The following DOCK1 variants were observed in gnomAD, a reference collection of about 807,000 sequenced individuals.
DOCK1 encodes the protein dedicator of cytokinesis protein 1.
Under a neutral mutation model 262.7 loss-of-function variants are expected in DOCK1, and 138 were observed. The observed-to-expected ratio is 0.53, with a 90% CI of 0.46 to 0.61. The LOEUF (loss-of-function observed/expected upper bound fraction) is 0.61, where lower values mean the gene tolerates loss of function less well. Among genes scored for constraint, DOCK1 ranks in the 20% least tolerant of loss-of-function variants. DOCK1 has a pLI of 0.00. For synonymous variants in DOCK1, 866 were observed against 867.4 expected, an observed-to-expected ratio of 1.00 and a Z score of 0.03; for missense variants, 1,908 against 2,370.7, an observed-to-expected ratio of 0.80 and a Z score of 4.05.
intron 9 of DOCK1, 70 bp downstream of exon 9, chr10:126,999,505 T>C: frequency 1.5e-6 from 2 of 1,323,534 alleles, no homozygotes; most frequent in Non-Finnish European, 2.2e-6. Flanking sequence ...CATTTCTGTC[T>C]GCCTTCCTGC....
rs1012366381 is a variant in DOCK1, at chr10:127,100,316, G to C, written c.2446-5915G>C. On this transcript the variant is annotated intron_variant, in intron 23 of 51. Coordinates refer to ENST00000623213, the MANE Select transcript of DOCK1 (RefSeq NM_001290223.2). The surrounding 1 kb of genome is among the most constrained non-coding windows in gnomAD (Gnocchi z 5.5). ...GGGGAGTTAACAGCCTGAACCGAGG[G>C]CTCTGTCGCTGCCTAGAAGGGGGCT... Among the ~76,000 whole-genome samples, 1 of 152,140 alleles carries C rather than the reference G, an allele frequency of 6.6e-6. No homozygotes were observed. Among genetic ancestry groups the C allele is most frequent in the Non-Finnish European group, 1.5e-5 (1 of 68,028 alleles).
At chr10:127,308,048 G>T (rs891890953) in intron 29 of DOCK1, among the ~76,000 whole-genome samples, 1 of 152,224 alleles carries the variant, frequency 6.6e-6, no homozygotes, top group Non-Finnish European at 1.5e-5. Flanking sequence ...CTTTCTGCTG[G>T]ATGACGTTGC....
intron 29 of DOCK1, among the ~76,000 whole-genome samples, chr10:127,315,720 T>A (rs1432735172): frequency 6.6e-6 from 1 of 152,138 alleles, no homozygotes; most frequent in East Asian, 1.9e-4. Context: ...TCCACATAGC[T>A]GGGTTGGGGT....
At chr10:127,257,538 A>C (rs1291165364) in intron 29 of DOCK1, 109 bp downstream of exon 29, 2 of 965,154 alleles carry the variant, frequency 2.1e-6, no homozygotes, top group Non-Finnish European at 3.1e-6. Context: ...AATGCTCTGC[A>C]AACGCTGTTC....
At chr10:127,353,493 C>T (rs1363808228) in intron 31 of DOCK1, among the ~76,000 whole-genome samples, 3 of 152,196 alleles carry the variant, frequency 2.0e-5, no homozygotes, top group East Asian at 3.9e-4. Flanking sequence ...CAACCATGGA[C>T]GGGCCTCTCC....
intron 47 of DOCK1, 128 bp from the exon 48 acceptor site, chr10:127,433,155 A>G (rs1438054833): frequency 2.3e-6 from 3 of 1,294,202 alleles, no homozygotes; most frequent in Non-Finnish European, 1.1e-6. Context: ...AAGAACATGT[A>G]CTGTTTACAG....
At chr10:126,988,371 G>C (rs1317588246) in intron 5 of DOCK1, 2 of 152,192 alleles carry the variant, frequency 1.3e-5, no homozygotes, top group Non-Finnish European at 2.9e-5. Flanking sequence ...CATTTCTTGA[G>C]AACATAGAAA....
At chr10:127,267,621 G>A (rs534443788) in intron 29 of DOCK1, among the ~76,000 whole-genome samples, 15 of 152,316 alleles carry the variant, frequency 9.8e-5, no homozygotes, top group Non-Finnish European at 1.6e-4. Context: ...CAGAGATCAC[G>A]CGCACCTCGT....
At chr10:127,138,533 A>C (rs572597188) in intron 27 of DOCK1, among the ~76,000 whole-genome samples, 1 of 152,318 alleles carries the variant, frequency 6.6e-6, no homozygotes, top group South Asian at 2.1e-4. Flanking sequence ...TTCTCCTTGT[A>C]AAAGCTTATC....
intron 31 of DOCK1, among the ~76,000 whole-genome samples, chr10:127,353,582 C>T (rs1049216248): frequency 6.6e-6 from 1 of 152,230 alleles, no homozygotes; most frequent in Non-Finnish European, 1.5e-5. Context: ...TCAGTGCTCA[C>T]CTGGTTTAGG....
chr10:127,224,862 C>A (rs2058578977), intron 27 of DOCK1, among the ~76,000 whole-genome samples: 1 of 151,926 alleles, frequency 6.6e-6, no homozygotes, highest in Non-Finnish European at 1.5e-5. Context: ...GGAGTGCATG[C>A]ATTAAACATT....
chr10:126,942,415 G>C (rs1251138611), intron 1 of DOCK1, among the ~76,000 whole-genome samples: 2 of 152,158 alleles, frequency 1.3e-5, no homozygotes, highest in Non-Finnish European at 2.9e-5. Flanking sequence ...TTCTTTTCGA[G>C]TGGGGTGAAG....
intron 29 of DOCK1, among the ~76,000 whole-genome samples, chr10:127,274,579 T>C (rs975931050): frequency 4.6e-5 from 7 of 152,262 alleles, no homozygotes; most frequent in Admixed American, 3.3e-4. Flanking sequence ...TTGGGGCATG[T>C]TTTGCAGGCC....
intron 44 of DOCK1, among the ~76,000 whole-genome samples, chr10:127,417,442 G>A (rs1298722099): frequency 6.6e-6 from 1 of 151,810 alleles, no homozygotes; most frequent in Non-Finnish European, 1.5e-5. Context: ...GAGCCAGGAG[G>A]ACAGTGGTCA....
At chr10:127,443,532 G>T (rs2070329640) in intron 49 of DOCK1, among the ~76,000 whole-genome samples, 1 of 152,078 alleles carries the variant, frequency 6.6e-6, no homozygotes, top group Admixed American at 6.5e-5. Flanking sequence ...TCCCTGCCTA[G>T]TTCCTGCCCA....
At chr10:127,261,033 ATGTG>A (rs1200807037) in intron 29 of DOCK1, among the ~76,000 whole-genome samples, 6 of 33,740 alleles carry the variant, frequency 1.8e-4, no homozygotes, top group Non-Finnish European at 2.3e-4. Flanking sequence ...GGGTGTCTGT[ATGTG>A]TGTACCCGTG....
chr10:127,010,193 G>A (rs867620488), intron 11 of DOCK1, among the ~76,000 whole-genome samples: 1 of 152,308 alleles, frequency 6.6e-6, no homozygotes, highest in East Asian at 1.9e-4. Flanking sequence ...TGAGCTGGGC[G>A]CAGTGGCTCA....
chr10:127,358,427 T>G (rs943939230), intron 32 of DOCK1, among the ~76,000 whole-genome samples: 6 of 152,180 alleles, frequency 3.9e-5, no homozygotes, highest in Admixed American at 1.3e-4. Context: ...AAAATGTGCT[T>G]ATTTACCCAG....
chr10:127,087,570 C>T (rs761311073), intron 23 of DOCK1, among the ~76,000 whole-genome samples: 1 of 151,870 alleles, frequency 6.6e-6, no homozygotes, highest in African/African-American at 2.4e-5. Context: ...CTGGGGTGGG[C>T]GAGGGAGACT....
Sources: gnomAD v4.1 joint callset for allele counts (sites outside exome capture counted in the v4.1 genomes callset) on GRCh38, gnomAD v4.1.1 for gene constraint, Gnocchi (gnomAD v3.1) non-coding constraint, MANE v1.5 for transcripts, NCBI Gene and HGNC (gene_info 2026-07-23, HGNC 2026-07-21) for gene names.